The following GPC6 variants were observed in gnomAD, a reference collection of about 807,000 sequenced individuals.
GPC6 encodes glypican 6.
A neutral mutation model predicts 55.2 loss-of-function variants in GPC6; 14 were observed. The observed-to-expected ratio is 0.25, with a 90% CI of 0.17 to 0.40. GPC6 has a LOEUF of 0.40. Ranked by LOEUF, GPC6 falls within the 10% of genes least tolerant of loss-of-function variation. The pLI, the probability that GPC6 is intolerant of heterozygous loss-of-function variation, is 1.00. For missense variants in GPC6, 641 were observed against 708.5 expected, an observed-to-expected ratio of 0.90 and a Z score of 1.08; for synonymous variants, 278 against 259.6, an observed-to-expected ratio of 1.07 and a Z score of -0.68.
At chr13:93,338,729 T>C (rs577976275) in intron 1 of GPC6, among the ~76,000 whole-genome samples, 7 of 152,346 alleles carry the variant, frequency 4.6e-5, no homozygotes, top group South Asian at 2.1e-4. Flanking sequence ...TGATTACCTC[T>C]GAATTTTATT....
chr13:94,338,753 CTG>C (rs771688463), intron 6 of GPC6, among the ~76,000 whole-genome samples: 6 of 152,138 alleles, frequency 3.9e-5, no homozygotes, highest in African/African-American at 1.2e-4. Context: ...TTTTAGAAGT[CTG>C]TAGTAAACCC....
chr13:93,338,913 G>A (rs1445480113), intron 1 of GPC6, among the ~76,000 whole-genome samples: 1 of 152,104 alleles, frequency 6.6e-6, no homozygotes, highest in Non-Finnish European at 1.5e-5. Context: ...GTGTTGACAG[G>A]GCAGAGAGAG....
At chr13:93,846,931 A>G (rs147278211) in intron 3 of GPC6, among the ~76,000 whole-genome samples, 50 of 152,324 alleles carry the variant, frequency 3.3e-4, no homozygotes, top group Admixed American at 2.0e-3. Flanking sequence ...TATTTAAGAT[A>G]AGAAAATTTA....
intron 4 of GPC6, among the ~76,000 whole-genome samples, chr13:94,180,159 A>C (rs945695679): frequency 1.3e-5 from 2 of 152,130 alleles, no homozygotes; most frequent in African/African-American, 4.8e-5. Context: ...GCCTCATTGA[A>C]AAGAGTATTA....
At chr13:93,488,992 A>G (rs1469806863) in intron 1 of GPC6, among the ~76,000 whole-genome samples, 1 of 151,616 alleles carries the variant, frequency 6.6e-6, no homozygotes, top group African/African-American at 2.4e-5. Flanking sequence ...CCATTTGTCA[A>G]TTTTGGCTTT....
intron 2 of GPC6, among the ~76,000 whole-genome samples, chr13:93,807,756 G>A (rs576245275): frequency 6.6e-6 from 1 of 152,266 alleles, no homozygotes; most frequent in South Asian, 2.1e-4. Context: ...GACTCCCGTA[G>A]GGTAGTAGTA....
chr13:94,077,550 T>A (rs1392719579), intron 4 of GPC6, among the ~76,000 whole-genome samples: 1 of 151,844 alleles, frequency 6.6e-6, no homozygotes, highest in Non-Finnish European at 1.5e-5. Flanking sequence ...TTGTTCCTGA[T>A]CTCAGAGGAA....
intron 1 of GPC6, among the ~76,000 whole-genome samples, chr13:93,523,516 T>C (rs1455976241): frequency 1.3e-5 from 2 of 151,838 alleles, no homozygotes; most frequent in African/African-American, 4.8e-5. Flanking sequence ...TATTTGTGTG[T>C]GTGTGTGTGT....
chr13:93,278,859 A>C (rs1877851355), intron 1 of GPC6, among the ~76,000 whole-genome samples: 1 of 152,306 alleles, frequency 6.6e-6, no homozygotes, highest in African/African-American at 2.4e-5. Flanking sequence ...AAAACAAAAA[A>C]TGGGTAACTA....
rs114105935 is a variant in GPC6, at chr13:94,029,552, T to A, written c.877+1658T>A. 9.3e-3 allele frequency among the ~76,000 whole-genome samples: 1,414 copies of A among 152,334 alleles called. 21 individuals carry two copies. The highest frequency in any genetic ancestry group is 0.032 in the African/African-American group (1,345 of 41,582). On this transcript the variant is annotated intron_variant, in intron 4 of 8. Coordinates refer to ENST00000377047, the MANE Select transcript of GPC6 (RefSeq NM_005708.5). ...CATCAAGAAATCTAAAAAGATCTGC[T>A]TATTTTAAAGTCAGATTAAACCTCG...
intron 2 of GPC6, among the ~76,000 whole-genome samples, chr13:93,753,405 T>C (rs1437496359): frequency 6.6e-6 from 1 of 152,158 alleles, no homozygotes; most frequent in Admixed American, 6.6e-5. Flanking sequence ...GTAGAATATG[T>C]TTTTTATAAT....
intron 4 of GPC6, among the ~76,000 whole-genome samples, chr13:94,282,963 G>T (rs1398441269): frequency 6.6e-6 from 1 of 152,200 alleles, no homozygotes; most frequent in Non-Finnish European, 1.5e-5. Context: ...AATTGGCAAA[G>T]ATGCACATCA....
chr13:93,866,401 AT>A (rs1888965167), intron 3 of GPC6, among the ~76,000 whole-genome samples: 1 of 151,734 alleles, frequency 6.6e-6, no homozygotes, highest in South Asian at 2.1e-4. Flanking sequence ...TCCTTTTAGT[AT>A]ATACCCAGTA....
chr13:93,704,344 T>A (rs1388331636), intron 2 of GPC6, among the ~76,000 whole-genome samples: 1 of 151,988 alleles, frequency 6.6e-6, no homozygotes, highest in East Asian at 1.9e-4. Context: ...TTCTGTACGA[T>A]TTCTTTTTGA....
chr13:93,676,126 A>AATAT (rs764101821), intron 2 of GPC6, among the ~76,000 whole-genome samples: 13 of 15,642 alleles, frequency 8.3e-4, no homozygotes, highest in Admixed American at 5.0e-3. Flanking sequence ...AAAAAAAAAA[A>AATAT]ATATATATAT....
chr13:93,584,070 A>G (rs1038625528), intron 2 of GPC6, among the ~76,000 whole-genome samples: 1 of 152,170 alleles, frequency 6.6e-6, no homozygotes, highest in African/African-American at 2.4e-5. Context: ...GCCTCAGTGA[A>G]ATTCAGGAGT....
intron 1 of GPC6, among the ~76,000 whole-genome samples, chr13:93,437,810 A>G (rs73552690): frequency 0.035 from 5,323 of 152,282 alleles, 311 homozygotes; most frequent in African/African-American, 0.12. Flanking sequence ...CAGATTTTCA[A>G]TATAGATGAA....
chr13:94,367,470 G>A (rs1879334923), intron 6 of GPC6, among the ~76,000 whole-genome samples: 1 of 152,196 alleles, frequency 6.6e-6, no homozygotes, highest in Non-Finnish European at 1.5e-5. Context: ...GTACAAACAT[G>A]AAGATTTGAA....
At chr13:94,325,819 G>A (rs1016513556) in intron 6 of GPC6, among the ~76,000 whole-genome samples, 6 of 152,118 alleles carry the variant, frequency 3.9e-5, no homozygotes, top group Admixed American at 6.5e-5. Context: ...GCTGACTCAC[G>A]CCAAGGCTAA....
Sources: allele counts gnomAD v4.1 joint callset (sites outside exome capture counted in the v4.1 genomes callset), GRCh38; gene constraint gnomAD v4.1.1; transcripts MANE v1.5; gene names NCBI Gene and HGNC (gene_info 2026-07-23, HGNC 2026-07-21).